Variants in FOXP2 observed in about 807,000 individuals in gnomAD.
FOXP2 encodes the protein forkhead box P2, also known as forkhead box protein P2.
A neutral mutation model predicts 115.8 loss-of-function variants in FOXP2; 12 were observed. The ratio of observed to expected loss-of-function variants is 0.10; its 90% CI spans 0.07 to 0.17. The LOEUF is 0.17. FOXP2 is among the 10% of genes least tolerant of loss of function. The pLI is 1.00. For synonymous variants in FOXP2, 328 were observed against 297.7 expected (o/e 1.10, Z -1.05); for missense variants, 629 against 843.5 (o/e 0.75, Z 3.15).
intron 16 of FOXP2, among the ~76,000 whole-genome samples, chr7:114,670,666 T>C (rs768913715): frequency 5.9e-5 from 9 of 152,132 alleles, no homozygotes; most frequent in Non-Finnish European, 8.8e-5. Flanking sequence ...CATTTCTTCC[T>C]TCTATTCTCT....
At chr7:114,395,107 C>G (rs1792707556) in intron 2 of FOXP2, among the ~76,000 whole-genome samples, 1 of 152,150 alleles carries the variant, frequency 6.6e-6, no homozygotes, top group African/African-American at 2.4e-5. Flanking sequence ...ATACTTACAA[C>G]TTTTCTGTAA....
Position 114,200,454 on chromosome 7 carries a change from T to A in FOXP2, c.-102+37366T>A, listed in dbSNP as rs1794030652. On this transcript the variant is annotated intron_variant, in intron 1 of 17. Coordinates refer to the FOXP2 transcript ENST00000634411. Reference sequence around the variant, plus strand: ...ATTGTACTGAGATGTCTGAGGAGACTAGGGAGACAGGAAACACTGAAAGAA... The same window carrying A: ...ATTGTACTGAGATGTCTGAGGAGACAAGGGAGACAGGAAACACTGAAAGAA... 3.9e-5 allele frequency among the ~76,000 whole-genome samples: 6 copies of A among 152,216 alleles called. 1 individual carries two copies. In the South Asian group the frequency reaches 1.2e-3, roughly 32 times the overall value.
intron 2 of FOXP2, among the ~76,000 whole-genome samples, chr7:114,483,127 C>T (rs1312105138): frequency 6.6e-6 from 1 of 150,614 alleles, no homozygotes; most frequent in Non-Finnish European, 1.5e-5. Context: ...CTTTTTTTTT[C>T]CAGTCAGTGA....
intron 2 of FOXP2, among the ~76,000 whole-genome samples, chr7:114,487,666 A>G (rs1306557218): frequency 6.6e-6 from 1 of 152,166 alleles, no homozygotes; most frequent in Non-Finnish European, 1.5e-5. Context: ...TCATCTCTCA[A>G]GTTCAAAGTT....
At chr7:114,101,547 G>A (rs1316926120) in intron 1 of FOXP2, among the ~76,000 whole-genome samples, 2 of 151,990 alleles carry the variant, frequency 1.3e-5, no homozygotes, top group African/African-American at 4.8e-5. Context: ...CATGTCTATG[G>A]CAGGTTTTTA....
chr7:114,453,408 A>C (rs1795151220), intron 2 of FOXP2, among the ~76,000 whole-genome samples: 1 of 152,072 alleles, frequency 6.6e-6, no homozygotes, highest in Admixed American at 6.6e-5. Flanking sequence ...CTGACACATA[A>C]TCTGGTACAT....
Position 114,658,219 on chromosome 7 carries a change from G to T in FOXP2, c.1420G>T (p.Ala474Ser). ...ITPASVPNVG[A>S]IRRRHSDKYN... ...CCCAGCCAGTGTGCCCAATGTGGGA[G>T]CCATACGAAGGCGACATTCAGACAA... The change falls in exon 11 of 17, where the codon GCC becomes TCC. Residue 474 changes from alanine (A) to serine (S), a missense_variant. Ala to Ser is a moderately conservative substitution (Grantham distance 99). Around this residue, in one of 9 missense-constraint regions of FOXP2, gnomAD observed 101 missense variants for 116.0 expected, o/e 0.87. Coordinates refer to ENST00000350908, the MANE Select transcript of FOXP2 (RefSeq NM_014491.4). The T allele has an allele frequency of 6.2e-7, 1 of 1,613,880 alleles. No homozygotes were observed. The highest frequency in any genetic ancestry group is 8.5e-7 in the Non-Finnish European group (1 of 1,179,860).
chr7:114,686,301 T>C (rs1380900804), intron 16 of FOXP2, among the ~76,000 whole-genome samples: 1 of 152,104 alleles, frequency 6.6e-6, no homozygotes, highest in East Asian at 1.9e-4. Flanking sequence ...GCCTCCCGAG[T>C]AACTGGGATT....
chr7:114,481,497 T>C (rs1796534665), intron 2 of FOXP2, among the ~76,000 whole-genome samples: 1 of 151,318 alleles, frequency 6.6e-6, no homozygotes, highest in African/African-American at 2.4e-5. Context: ...TAGGTTAAAA[T>C]AGCTTCTGCT....
chr7:114,452,211 T>C (rs1795105017), intron 2 of FOXP2, among the ~76,000 whole-genome samples: 1 of 152,024 alleles, frequency 6.6e-6, no homozygotes, highest in Non-Finnish European at 1.5e-5. Flanking sequence ...AAATGCGATA[T>C]TAACAATATC....
At chr7:114,383,976 T>C (rs1792377059) in intron 2 of FOXP2, among the ~76,000 whole-genome samples, 1 of 152,170 alleles carries the variant, frequency 6.6e-6, no homozygotes, top group Non-Finnish European at 1.5e-5. Flanking sequence ...CCCACCTTTC[T>C]TGACCACAAA....
rs139161026 is a variant in FOXP2 at position 114,674,601 on chromosome 7, GAAAGA to G, written c.2003+10166_2003+10170del. On this transcript the variant is annotated intron_variant, in intron 16 of 16. Coordinates refer to ENST00000350908, the MANE Select transcript of FOXP2 (RefSeq NM_014491.4). ...TTTAATTTACCAAAGAGAAAATCTT[GAAAGA>G]TAAGAAATGGGAATAAAGAACTACA... is the stretch of plus-strand genomic sequence containing the variant. Among the ~76,000 whole-genome samples the G allele has an allele frequency of 6.8e-3, 1,032 of 152,170 alleles. 10 individuals are homozygous for G. Among genetic ancestry groups the G allele is most frequent in the African/African-American group, 0.023 (971 of 41,548 alleles).
At chr7:114,395,094 A>G (rs1162700764) in intron 2 of FOXP2, among the ~76,000 whole-genome samples, 1 of 152,162 alleles carries the variant, frequency 6.6e-6, no homozygotes, top group East Asian at 1.9e-4. Flanking sequence ...AATTATCTGT[A>G]CTATACTTAC....
intron 3 of FOXP2, among the ~76,000 whole-genome samples, chr7:114,595,940 G>A (rs1414234882): frequency 6.6e-6 from 1 of 151,888 alleles, no homozygotes; most frequent in Non-Finnish European, 1.5e-5. Flanking sequence ...AAGACATGAA[G>A]TAAAAAAATA....
At chr7:114,636,339 T>C (rs1032432481) in intron 6 of FOXP2, among the ~76,000 whole-genome samples, 5 of 152,112 alleles carry the variant, frequency 3.3e-5, no homozygotes, top group African/African-American at 9.7e-5. Context: ...AAATACAAAA[T>C]TTAAGATGAA....
At chr7:114,515,597 C>T (rs1420704063) in intron 2 of FOXP2, among the ~76,000 whole-genome samples, 1 of 151,800 alleles carries the variant, frequency 6.6e-6, no homozygotes, top group South Asian at 2.1e-4. Flanking sequence ...TGTTTGAGTT[C>T]ATTGTAGATT....
At chr7:114,127,658 G>T (rs1791752297) in intron 1 of FOXP2, among the ~76,000 whole-genome samples, 1 of 152,264 alleles carries the variant, frequency 6.6e-6, no homozygotes, top group South Asian at 2.1e-4. Flanking sequence ...ATGAAAAGAA[G>T]AACAGACTTT....
intron 1 of FOXP2, among the ~76,000 whole-genome samples, chr7:114,091,494 A>G (rs1799542812): frequency 6.6e-6 from 1 of 151,896 alleles, no homozygotes. Context: ...TTTTAGGAGT[A>G]TAATCTCAAT....
chr7:114,299,374 T>C (rs911131457), intron 2 of FOXP2, among the ~76,000 whole-genome samples: 2 of 152,036 alleles, frequency 1.3e-5, no homozygotes, highest in African/African-American at 4.8e-5. Context: ...ACTTTATTAC[T>C]ATACATAACA....
Sources: gnomAD v4.1 joint callset for allele counts (sites outside exome capture counted in the v4.1 genomes callset) on GRCh38, gnomAD v4.1.1 for gene constraint, gnomAD v4.1.1 regional missense constraint, MANE v1.5 for transcripts, NCBI Gene and HGNC (gene_info 2026-07-23, HGNC 2026-07-21) for gene names.